Variants in AGAP1 observed in about 807,000 individuals in gnomAD.
AGAP1 encodes the protein arf-GAP with GTPase, ANK repeat and PH domain-containing protein 1.
Under a neutral mutation model 105.3 loss-of-function variants are expected in AGAP1, and 29 were observed. That is an observed-to-expected ratio of 0.28 (90% CI 0.21 to 0.38). The LOEUF (loss-of-function observed/expected upper bound fraction) is 0.38, where lower values mean the gene tolerates loss of function less well. Among genes scored for constraint, AGAP1 ranks in the 10% least tolerant of loss-of-function variants. The probability of loss-of-function intolerance (pLI) is 1.00; values close to 1 mark genes in which losing one functional copy is unlikely to be tolerated. For missense variants in AGAP1, 998 were observed against 1,165.1 expected, an observed-to-expected ratio of 0.86 and a Z score of 2.09; for synonymous variants, 509 against 485.9, an observed-to-expected ratio of 1.05 and a Z score of -0.63.
rs192920519 is a variant in AGAP1, at chr2:235,710,663, G to A, written c.222+1426G>A. 2.5e-3 allele frequency among the ~76,000 whole-genome samples: 385 copies of A among 152,328 alleles called. 1 individual carries two copies. The highest frequency in any genetic ancestry group is 8.0e-3 in the African/African-American group (334 of 41,568). Reference sequence around the variant, plus strand: ...TGTCTTTTGTGTGCTTTGTCACCGCGGCACTGGCAGGGTGTCTTAAGCCTA... The same window carrying A: ...TGTCTTTTGTGTGCTTTGTCACCGCAGCACTGGCAGGGTGTCTTAAGCCTA... On this transcript the variant is annotated intron_variant, in intron 2 of 17. Coordinates refer to ENST00000304032, the MANE Select transcript of AGAP1 (RefSeq NM_001037131.3).
At chr2:235,746,377 C>CTTTTTCTTTTTTTTTT (rs1553620164) in intron 5 of AGAP1, among the ~76,000 whole-genome samples, 1 of 55,544 alleles carries the variant, frequency 1.8e-5, no homozygotes, top group Non-Finnish European at 3.0e-5. Context: ...CCTCCCCCAA[C>CTTTTTCTTTTTTTTTT]TTTTTTTTTT....
chr2:235,583,879 A>C (rs1945015922), intron 1 of AGAP1, among the ~76,000 whole-genome samples: 2 of 144,988 alleles, frequency 1.4e-5, no homozygotes, highest in South Asian at 4.4e-4. Context: ...GTCTTAAAAA[A>C]AAAAAAAAAA....
chr2:236,054,597 T>C lies in AGAP1; in HGVS notation c.2114+5316T>C, dbSNP rs906369288. Reference sequence around the variant, plus strand: ...GTGGCATCTGCTCCCCACATGTCACTTTCCTCATTAACAAGCAATTGAATT... The same window carrying C: ...GTGGCATCTGCTCCCCACATGTCACCTTCCTCATTAACAAGCAATTGAATT... On this transcript the variant is annotated intron_variant, in intron 16 of 17. Coordinates refer to ENST00000304032, the MANE Select transcript of AGAP1 (RefSeq NM_001037131.3). Among the ~76,000 whole-genome samples the C allele has an allele frequency of 2.0e-5, 3 of 151,982 alleles. No individual in the cohort carries two copies. The East Asian group carries it at 5.8e-4, about 29-fold the overall frequency.
Position 236,124,310 on chromosome 2 carries a change from G to T in AGAP1, c.*188G>T. The T allele has an allele frequency of 1.4e-6, 1 of 692,356 alleles. No homozygotes were observed. The highest frequency in any genetic ancestry group is 2.4e-6 in the Non-Finnish European group (1 of 413,016). 42.9% of individuals were successfully genotyped at this position (692,356 alleles called of 1,614,324 possible). On this transcript the variant is annotated 3_prime_UTR_variant, in exon 18 of 18. Coordinates refer to ENST00000304032, the MANE Select transcript of AGAP1 (RefSeq NM_001037131.3). The surrounding 1 kb of genome is among the most constrained non-coding windows in gnomAD (Gnocchi z 5.1). The stretch of plus-strand genomic sequence containing the variant: ...CTGGACATCCCTCAAGGGGCGAAGA[G>T]GCGGCCGGGAGACTGCAGAAGTGGC...
intron 1 of AGAP1, among the ~76,000 whole-genome samples, chr2:235,563,760 C>A (rs576215127): frequency 2.0e-5 from 3 of 152,244 alleles, no homozygotes; most frequent in African/African-American, 7.2e-5. Flanking sequence ...AGGAAGCTAG[C>A]GTTTCTTGAG....
rs1204066865 is a variant in AGAP1, at chr2:235,549,966, C to CTGGGCCT, written c.163+55128_163+55134dup. 5.3e-5 allele frequency among the ~76,000 whole-genome samples: 8 copies of CTGGGCCT among 152,184 alleles called. No individual in the cohort carries two copies. The highest frequency in any genetic ancestry group is 1.4e-4 in the African/African-American group (6 of 41,442). On this transcript the variant is annotated intron_variant, in intron 1 of 17. Coordinates refer to ENST00000304032, the MANE Select transcript of AGAP1 (RefSeq NM_001037131.3). This position sits in a 1 kb window ranked among gnomAD's most constrained non-coding sequence, Gnocchi z 4.2. ...CTGTCTTCAGTGGTGGGGGAACCAC[C>CTGGGCCT]TGGGCCTTGGGCCTTGGCTCTGGTA...
Position 235,830,789 on chromosome 2 carries a change from C to A in AGAP1, c.1050+23458C>A, listed in dbSNP as rs1238331115. The stretch of plus-strand genomic sequence containing the variant: ...TCCTCGGAATTTTTAAGTGATTTTA[C>A]TTCTATTGGATGCTGTTGATAGCCT... On this transcript the variant is annotated intron_variant, in intron 9 of 17. Coordinates refer to ENST00000304032, the MANE Select transcript of AGAP1 (RefSeq NM_001037131.3). This position sits in a 1 kb window ranked among gnomAD's most constrained non-coding sequence, Gnocchi z 5.5. Among the ~76,000 whole-genome samples the A allele has an allele frequency of 6.6e-6, 1 of 152,178 alleles. No individual in the cohort carries two copies. Among genetic ancestry groups the A allele is most frequent in the African/African-American group, 2.4e-5 (1 of 41,446 alleles).
rs556255683 is a variant in AGAP1 at position 236,038,351 on chromosome 2, T to G, written c.1800+1636T>G. On this transcript the variant is annotated intron_variant, in intron 14 of 17. Coordinates refer to ENST00000304032, the MANE Select transcript of AGAP1 (RefSeq NM_001037131.3). This position sits in a 1 kb window ranked among gnomAD's most constrained non-coding sequence, Gnocchi z 4.5. ...TGCCTTCATGGAGAAATCACAGTCT[T>G]TCACGGCAGACTCTGAGCCCCTGCC... is the stretch of plus-strand genomic sequence containing the variant. Among the ~76,000 whole-genome samples the G allele has an allele frequency of 6.6e-6, 1 of 152,158 alleles. No individual in the cohort carries two copies. Among genetic ancestry groups the G allele is most frequent in the Non-Finnish European group, 1.5e-5 (1 of 68,036 alleles).
At chr2:235,495,581 G>T (rs1380055186) in intron 1 of AGAP1, among the ~76,000 whole-genome samples, 1 of 152,212 alleles carries the variant, frequency 6.6e-6, no homozygotes, top group Admixed American at 6.5e-5. Flanking sequence ...TTTAAGAGGG[G>T]CAGGATGCTT....
intron 10 of AGAP1, among the ~76,000 whole-genome samples, chr2:235,896,743 G>A (rs2050825103): frequency 6.6e-6 from 1 of 152,232 alleles, no homozygotes; most frequent in East Asian, 1.9e-4. Flanking sequence ...TGTGTCAACA[G>A]TTCCAAAGCC....
chr2:236,039,002 T>C (rs1272128336), intron 14 of AGAP1, among the ~76,000 whole-genome samples: 1 of 152,242 alleles, frequency 6.6e-6, no homozygotes, highest in Non-Finnish European at 1.5e-5. Context: ...TAGCAAGTAA[T>C]ATATTATTTC....
In AGAP1 at chr2:235,787,009, C is replaced by G. The variant is rs949331595; in HGVS notation, c.674-10750C>G. On this transcript the variant is annotated intron_variant, in intron 6 of 17. Transcript: ENST00000304032. This position sits in a 1 kb window ranked among gnomAD's most constrained non-coding sequence, Gnocchi z 4.4. ...GGCTTCCTTGAGGGAGCTGTCGCCCCCCAAATCAGGGTCTTGACACCAGCT... is the reference window on the plus strand; with the variant it reads ...GGCTTCCTTGAGGGAGCTGTCGCCCGCCAAATCAGGGTCTTGACACCAGCT... Among the ~76,000 whole-genome samples, 1 of 152,194 alleles carries G rather than the reference C, an allele frequency of 6.6e-6. No individual in the cohort carries two copies. Among genetic ancestry groups the G allele is most frequent in the Non-Finnish European group, 1.5e-5 (1 of 68,028 alleles).
rs149987568 is a variant in AGAP1, at chr2:236,092,687, C to T, written c.2115-27505C>T. On this transcript the variant is annotated intron_variant, in intron 16 of 17. Transcript: ENST00000304032. The surrounding 1 kb of genome is among the most constrained non-coding windows in gnomAD (Gnocchi z 4.7). ...GATTACAGGCGTGAGCCACCGCGCC[C>T]GGCCGTATTATTTCTTTAAACTCCA... Among the ~76,000 whole-genome samples the T allele has an allele frequency of 1.1e-4, 16 of 152,338 alleles. No homozygotes were observed. The East Asian group carries it at 1.5e-3, about 15-fold the overall frequency.
chr2:235,876,533 G>A (rs1052648990), intron 9 of AGAP1, among the ~76,000 whole-genome samples: 12 of 152,280 alleles, frequency 7.9e-5, no homozygotes, highest in South Asian at 2.1e-4. Flanking sequence ...TGGCCTGGCC[G>A]CCTTGCCTGC....
Position 236,035,564 on chromosome 2 carries a change from T to C in AGAP1, c.1646-997T>C, listed in dbSNP as rs985841819. ...GCTTGAGCCTGGGAGGTGGAAGATA[T>C]AATGAGCTGTGATTGCACCATGGCA... is the stretch of plus-strand genomic sequence containing the variant. On this transcript the variant is annotated intron_variant, in intron 13 of 17. Transcript: ENST00000304032. The surrounding 1 kb of genome is among the most constrained non-coding windows in gnomAD (Gnocchi z 4.2). Among the ~76,000 whole-genome samples, 1 of 152,112 alleles carries C rather than the reference T, an allele frequency of 6.6e-6. No homozygotes were observed. Among genetic ancestry groups the C allele is most frequent in the Admixed American group, 6.5e-5 (1 of 15,278 alleles).
In AGAP1 at chr2:235,847,726, G is replaced by A. The variant is rs140103545; in HGVS notation, c.1051-35619G>A. On this transcript the variant is annotated intron_variant, in intron 9 of 17. Transcript: ENST00000304032. ...GCGCCTTTCTGTGCTTGTTTGCCACGACAGTGGCTCTCGTACACGACGCCT... is the reference window on the plus strand; with the variant it reads ...GCGCCTTTCTGTGCTTGTTTGCCACAACAGTGGCTCTCGTACACGACGCCT... Among the ~76,000 whole-genome samples, 1,489 of 152,240 alleles carry A rather than the reference G, an allele frequency of 9.8e-3. 20 individuals carry two copies. The highest frequency in any genetic ancestry group is 0.034 in the African/African-American group (1,410 of 41,552).
chr2:235,987,350 C>A (rs1046871788), intron 13 of AGAP1, among the ~76,000 whole-genome samples: 1 of 151,788 alleles, frequency 6.6e-6, no homozygotes, highest in Admixed American at 6.6e-5. Context: ...GGTGATATCC[C>A]TTTTATCATT....
intron 6 of AGAP1, among the ~76,000 whole-genome samples, chr2:235,755,330 A>G (rs1953831438): frequency 6.9e-6 from 1 of 145,068 alleles, no homozygotes; most frequent in Non-Finnish European, 1.5e-5. Context: ...TAAATTTTTC[A>G]AAAGTCCCTG....
At chr2:235,916,078 GA>G (rs1045391030) in intron 11 of AGAP1, among the ~76,000 whole-genome samples, 3 of 151,570 alleles carry the variant, frequency 2.0e-5, no homozygotes, top group African/African-American at 7.3e-5. Context: ...AATGAAGATA[GA>G]AAAAAAAGAC....
Sources: gnomAD v4.1 joint callset for allele counts (sites outside exome capture counted in the v4.1 genomes callset) on GRCh38, gnomAD v4.1.1 for gene constraint, Gnocchi (gnomAD v3.1) non-coding constraint, MANE v1.5 for transcripts, NCBI Gene and HGNC (gene_info 2026-07-23, HGNC 2026-07-21) for gene names.